Variants in ROBO2 observed in about 807,000 individuals in gnomAD.
ROBO2 encodes roundabout homolog 2.
A neutral mutation model predicts 160.8 loss-of-function variants in ROBO2; 53 were observed. The observed-to-expected ratio is 0.33, with a 90% CI of 0.26 to 0.41. The LOEUF is 0.41. Among genes scored for constraint, ROBO2 ranks in the 10% least tolerant of loss-of-function variants. ROBO2 has a pLI of 1.00. For synonymous variants in ROBO2, 664 were observed against 611.7 expected, an observed-to-expected ratio of 1.09 and a Z score of -1.26; for missense variants, 1,577 against 1,722.4, an observed-to-expected ratio of 0.92 and a Z score of 1.49.
chr3:77,465,141 T>TATTTG (rs2082641393), intron 2 of ROBO2, among the ~76,000 whole-genome samples: 2 of 151,864 alleles, frequency 1.3e-5, no homozygotes, highest in African/African-American at 2.4e-5. Context: ...TAGACAGTTT[T>TATTTG]TAGAGGGAGT....
At chr3:76,213,415 C>T (rs4855974) in intron 2 of ROBO2, among the ~76,000 whole-genome samples, 148,081 of 152,188 alleles carry the variant, frequency 0.97, 72,175 homozygotes, top group East Asian at 1. Context: ...ATGATTGTTT[C>T]GCCAATACTA....
chr3:76,635,551 TTC>T (rs1314557419), intron 2 of ROBO2, among the ~76,000 whole-genome samples: 1 of 152,230 alleles, frequency 6.6e-6, no homozygotes, highest in Non-Finnish European at 1.5e-5. Context: ...AATGTTCATT[TTC>T]TGTTTCTTAC....
chr3:77,566,975 A>T (rs2093501258), intron 12 of ROBO2, among the ~76,000 whole-genome samples: 3 of 152,012 alleles, frequency 2.0e-5, no homozygotes, highest in Admixed American at 2.0e-4. Flanking sequence ...AAATACTTGG[A>T]TTATCAGCAT....
chr3:77,491,443 A>C (rs1343964940), intron 4 of ROBO2, among the ~76,000 whole-genome samples: 3 of 152,174 alleles, frequency 2.0e-5, no homozygotes, highest in Non-Finnish European at 4.4e-5. Context: ...CCCGCTTCCT[A>C]TGTGAATGAT....
At chr3:76,307,751 C>T (rs775259370) in intron 2 of ROBO2, among the ~76,000 whole-genome samples, 3 of 152,126 alleles carry the variant, frequency 2.0e-5, no homozygotes, top group Non-Finnish European at 4.4e-5. Context: ...CACGATGTGA[C>T]ATTGGCTAAG....
intron 2 of ROBO2, among the ~76,000 whole-genome samples, chr3:77,270,001 A>T (rs2059387468): frequency 1.3e-5 from 2 of 152,210 alleles, no homozygotes; most frequent in Non-Finnish European, 2.9e-5. Context: ...AAAAATGATG[A>T]TGTAAATTGA....
chr3:76,109,610 T>C (rs1442525295), intron 2 of ROBO2, among the ~76,000 whole-genome samples: 1 of 152,236 alleles, frequency 6.6e-6, no homozygotes, highest in African/African-American at 2.4e-5. Context: ...CACTGGCTCT[T>C]TACTCTGGTG....
intron 2 of ROBO2, among the ~76,000 whole-genome samples, chr3:76,424,805 C>T (rs1559924198): frequency 6.6e-6 from 1 of 152,076 alleles, no homozygotes; most frequent in African/African-American, 2.4e-5. Flanking sequence ...CATTAAACAT[C>T]CACAGCTTTT....
chr3:76,658,366 T>G (rs1365898144), intron 2 of ROBO2, among the ~76,000 whole-genome samples: 1 of 152,068 alleles, frequency 6.6e-6, no homozygotes, highest in Non-Finnish European at 1.5e-5. Flanking sequence ...CTTTAAGTTC[T>G]GGGACACATG....
intron 2 of ROBO2, among the ~76,000 whole-genome samples, chr3:76,608,085 T>C (rs1033135968): frequency 5.3e-5 from 8 of 152,308 alleles, no homozygotes; most frequent in African/African-American, 1.9e-4. Context: ...AGTTTTACAG[T>C]CTTCTGGACA....
chr3:76,200,000 C>T (rs1029555476), intron 2 of ROBO2, among the ~76,000 whole-genome samples: 1 of 152,100 alleles, frequency 6.6e-6, no homozygotes, highest in Non-Finnish European at 1.5e-5. Context: ...TCCTTTATTT[C>T]CACTATAGGA....
At chr3:76,692,502 A>G (rs1307011134) in intron 2 of ROBO2, among the ~76,000 whole-genome samples, 1 of 152,116 alleles carries the variant, frequency 6.6e-6, no homozygotes, top group Non-Finnish European at 1.5e-5. Context: ...ATTCGTCACA[A>G]GGACCATTTC....
At chr3:77,448,753 T>C (rs1054144488) in intron 2 of ROBO2, among the ~76,000 whole-genome samples, 2 of 143,254 alleles carry the variant, frequency 1.4e-5, no homozygotes, top group Non-Finnish European at 3.2e-5. Flanking sequence ...ACATCCCTTA[T>C]TGAACTTTTG....
At chr3:76,737,635 A>C (rs1199199716) in intron 2 of ROBO2, among the ~76,000 whole-genome samples, 2 of 152,152 alleles carry the variant, frequency 1.3e-5, no homozygotes, top group Non-Finnish European at 2.9e-5. Context: ...ATACTTCAAT[A>C]AATCTTTGTA....
chr3:76,435,308 G>C, intron 2 of ROBO2: 1 of 924,206 alleles, frequency 1.1e-6, no homozygotes, highest in Non-Finnish European at 1.8e-6. Context: ...AATCTTCCTA[G>C]ATGAACACCC....
intron 2 of ROBO2, among the ~76,000 whole-genome samples, chr3:76,158,446 C>T (rs1397327018): frequency 4.6e-5 from 6 of 130,112 alleles, no homozygotes; most frequent in Non-Finnish European, 7.0e-5. Flanking sequence ...ATACTATACC[C>T]CTAAAAAAAA....
intron 2 of ROBO2, among the ~76,000 whole-genome samples, chr3:75,944,584 G>T (rs1336795338): frequency 6.6e-6 from 1 of 152,004 alleles, no homozygotes; most frequent in Non-Finnish European, 1.5e-5. Context: ...GTCTTTAAGG[G>T]CCATGCCTCA....
intron 2 of ROBO2, among the ~76,000 whole-genome samples, chr3:76,590,416 T>G (rs1198380805): frequency 6.6e-6 from 1 of 152,102 alleles, no homozygotes; most frequent in East Asian, 1.9e-4. Context: ...CTCAGTTTAA[T>G]TGTGTTCATG....
intron 2 of ROBO2, among the ~76,000 whole-genome samples, chr3:76,105,608 T>C (rs2069890361): frequency 6.6e-6 from 1 of 152,178 alleles, no homozygotes. Flanking sequence ...ACAGATATCT[T>C]GATACCTGGC....
Sources: allele counts gnomAD v4.1 joint callset (sites outside exome capture counted in the v4.1 genomes callset), GRCh38; gene constraint gnomAD v4.1.1; transcripts MANE v1.5; gene names NCBI Gene and HGNC (gene_info 2026-07-23, HGNC 2026-07-21).